RSF1: variants seen among roughly 807,000 people sequenced by gnomAD.
The protein encoded by RSF1 is HBV pX-associated protein 8.
RSF1 carries 13 observed loss-of-function variants against 145.2 expected under a neutral mutation model. The ratio of observed to expected loss-of-function variants is 0.09; its 90% CI spans 0.06 to 0.14. The LOEUF (loss-of-function observed/expected upper bound fraction) is 0.14. Ranked by LOEUF, RSF1 falls within the 10% of genes least tolerant of loss-of-function variation. The probability of loss-of-function intolerance (pLI) is 1.00; values close to 1 mark genes in which losing one functional copy is unlikely to be tolerated. For synonymous variants in RSF1, 577 were observed against 592.6 expected, an observed-to-expected ratio of 0.97 and a Z score of 0.38; for missense variants, 1,517 against 1,718.2, an observed-to-expected ratio of 0.88 and a Z score of 2.07.
chr11:77,869,889 C>A, the RSF1 span: 1 of 1,449,810 alleles, frequency 6.9e-7, no homozygotes, highest in Non-Finnish European at 9.6e-7. Context: ...ACAGACTTGT[C>A]CTTCTTGGGA....
chr11:77,872,154 A>ATC, the RSF1 span: 1 of 1,607,394 alleles, frequency 6.2e-7, no homozygotes, highest in South Asian at 1.1e-5. Context: ...CTACTTACTC[A>ATC]TCTCTTTTCC....
chr11:77,844,082 TG>T, the RSF1 span, among the ~76,000 whole-genome samples: 3 of 152,140 alleles, frequency 2.0e-5, no homozygotes, highest in Non-Finnish European at 4.4e-5. Context: ...AGATGAGATT[TG>T]GGTGGGGACA....
At chr11:77,808,363 A>ACAG (rs370905037) in intron 1 of RSF1, among the ~76,000 whole-genome samples, 7 of 149,984 alleles carry the variant, frequency 4.7e-5, no homozygotes, top group African/African-American at 1.5e-4. Context: ...AAACACAACA[A>ACAG]CAGCAAGAAA....
chr11:77,670,657 T>G (rs956289776), intron 15 of RSF1, among the ~76,000 whole-genome samples: 1 of 152,194 alleles, frequency 6.6e-6, no homozygotes, highest in South Asian at 2.1e-4. Context: ...AATTTATGTT[T>G]GTTTCTGTGA....
intron 4 of RSF1, among the ~76,000 whole-genome samples, chr11:77,729,925 T>TAAAAAAAAAAAAAAAAAAAAAAA (rs1961160844): frequency 2.1e-5 from 1 of 48,196 alleles, no homozygotes; most frequent in Non-Finnish European, 4.7e-5. Context: ...AAAAAAAAAT[T>TAAAAAAAAAAAAAAAAAAAAAAA]GTGGAGGCCA....
At chr11:77,789,284 T>C (rs1318714376) in intron 1 of RSF1, among the ~76,000 whole-genome samples, 1 of 152,140 alleles carries the variant, frequency 6.6e-6, no homozygotes, top group Non-Finnish European at 1.5e-5. Context: ...GGAGATTGTA[T>C]GAAGATGCAG....
rs1959241468 is a variant in RSF1 at position 77,661,942 on chromosome 11, C to A, written c.*4975G>T. The A allele has an allele frequency of 6.6e-6, 1 of 151,938 alleles. No homozygotes were observed. Among genetic ancestry groups the A allele is most frequent in the African/African-American group, 2.4e-5 (1 of 41,366 alleles). The allele number at this position is 151,938 out of a possible 1,614,324, so 9.4% of individuals were successfully genotyped here. A position where few individuals can be genotyped will look rare whatever the true frequency, so the allele number is the denominator to read the frequency against. Reference sequence around the variant, plus strand: ...ACCGCAAAACACTTAAATTAGATTTCTTTAGAAACTGATGAAAGTCAAGAA... The same window carrying A: ...ACCGCAAAACACTTAAATTAGATTTATTTAGAAACTGATGAAAGTCAAGAA... On this transcript the variant is annotated 3_prime_UTR_variant, in exon 16 of 16. Coordinates refer to ENST00000308488, the MANE Select transcript of RSF1 (RefSeq NM_016578.4).
chr11:77,675,459 T>G (rs1161512506), intron 13 of RSF1, among the ~76,000 whole-genome samples: 2 of 152,194 alleles, frequency 1.3e-5, no homozygotes, highest in African/African-American at 4.8e-5. Flanking sequence ...TAAAGATGAA[T>G]TAATGTTGAT....
intron 13 of RSF1, among the ~76,000 whole-genome samples, chr11:77,675,710 A>C (rs1336845225): frequency 1.3e-5 from 2 of 152,160 alleles, no homozygotes; most frequent in African/African-American, 2.4e-5. Flanking sequence ...ATAATCTCTC[A>C]AACCTGATCT....
At chr11:77,700,167 A>G (rs1257866173) in intron 6 of RSF1, among the ~76,000 whole-genome samples, 1 of 152,018 alleles carries the variant, frequency 6.6e-6, no homozygotes, top group Non-Finnish European at 1.5e-5. Flanking sequence ...CCTGGCCAAC[A>G]TGGCGAAAAC....
At chr11:77,793,066 T>G (rs1361857770) in intron 1 of RSF1, among the ~76,000 whole-genome samples, 2 of 151,556 alleles carry the variant, frequency 1.3e-5, no homozygotes, top group Non-Finnish European at 2.9e-5. Context: ...AAGAAAGAAA[T>G]ACATACAACA....
At chr11:77,829,156 A>G in the RSF1 span, among the ~76,000 whole-genome samples, 1 of 151,988 alleles carries the variant, frequency 6.6e-6, no homozygotes, top group East Asian at 1.9e-4. Flanking sequence ...ATGTGATAGA[A>G]CTGGTAATTT....
chr11:77,668,152 G>A (rs1317064358), intron 15 of RSF1, among the ~76,000 whole-genome samples: 1 of 151,630 alleles, frequency 6.6e-6, no homozygotes, highest in East Asian at 1.9e-4. Context: ...TGTGTGTGCC[G>A]CCACACCCAG....
At chr11:77,851,773 C>A in the RSF1 span, among the ~76,000 whole-genome samples, 3 of 152,094 alleles carry the variant, frequency 2.0e-5, no homozygotes, top group Non-Finnish European at 4.4e-5. Context: ...CCTCAGAAGT[C>A]AAGCAGATGC....
chr11:77,850,785 TACACACACACAC>T, the RSF1 span: 1 of 125,846 alleles, frequency 7.9e-6, no homozygotes. Context: ...TACACACACA[TACACACACACAC>T]ACACACACAT....
At chr11:77,818,642 G>T (rs1050970736) in intron 1 of RSF1, among the ~76,000 whole-genome samples, 1 of 152,102 alleles carries the variant, frequency 6.6e-6, no homozygotes, top group Non-Finnish European at 1.5e-5. Context: ...AGCCGGGCTC[G>T]GTGGTGCACA....
At chr11:77,810,189 C>T (rs111625273) in intron 1 of RSF1, among the ~76,000 whole-genome samples, 4 of 152,284 alleles carry the variant, frequency 2.6e-5, no homozygotes, top group African/African-American at 9.6e-5. Flanking sequence ...CATCACCATT[C>T]ATCCAACCTT....
At position 77,672,182 on chromosome 11, in the gene RSF1, C is replaced by T. The variant is rs577791059; in HGVS notation, c.3611G>A (p.Arg1204Gln). The T allele has an allele frequency of 1.7e-5, 28 of 1,611,230 alleles. No homozygotes were observed. The highest frequency in any genetic ancestry group is 8.9e-5 in the East Asian group (4 of 44,852). ...DFSDDFVETR[R>Q]RRSRRNQKRQ... is the part of the protein sequence containing the mutation. ...TTTCTGATTTCTCCTTGACCGCCTT[C>T]GCCGAGTTTCTACAAAATCATCACT... Residue 1204 changes from arginine to glutamine, a missense_variant, in exon 15 of 16, where the codon CGA (arginine) becomes CAA (glutamine). Coordinates refer to ENST00000308488, the MANE Select transcript of RSF1 (RefSeq NM_016578.4).
intron 1 of RSF1, among the ~76,000 whole-genome samples, chr11:77,784,795 A>G (rs1948438211): frequency 6.6e-6 from 1 of 152,178 alleles, no homozygotes; most frequent in Non-Finnish European, 1.5e-5. Context: ...TCAGAGTTCA[A>G]ACATCTCCAG....
Sources: allele counts gnomAD v4.1 joint callset (sites outside exome capture counted in the v4.1 genomes callset), GRCh38; gene constraint gnomAD v4.1.1; transcripts MANE v1.5; gene names NCBI Gene and HGNC (gene_info 2026-07-23, HGNC 2026-07-21).